SPATA13: variants seen among roughly 807,000 people sequenced by gnomAD.
SPATA13 encodes spermatogenesis-associated protein 13.
In SPATA13, 50 loss-of-function variants were observed where a neutral mutation model predicts 104.0. The ratio of observed to expected loss-of-function variants is 0.48; its 90% CI spans 0.38 to 0.61. The LOEUF is 0.61. SPATA13 is among the 20% of genes least tolerant of loss of function. The probability of loss-of-function intolerance (pLI) is 0.00; values close to 1 mark genes in which losing one functional copy is unlikely to be tolerated. For synonymous variants in SPATA13, 606 were observed against 667.5 expected, an observed-to-expected ratio of 0.91 and a Z score of 1.42; for missense variants, 1,524 against 1,690.6, an observed-to-expected ratio of 0.90 and a Z score of 1.73.
chr13:24,030,834 C>A (rs1014651740), intron 3 of SPATA13, among the ~76,000 whole-genome samples: 4 of 152,062 alleles, frequency 2.6e-5, no homozygotes, highest in Non-Finnish European at 2.9e-5. Flanking sequence ...GTGGAAAAGA[C>A]CTTTATGTAG....
chr13:24,053,904 A>G (rs1024246805), intron 3 of SPATA13, among the ~76,000 whole-genome samples: 7 of 152,348 alleles, frequency 4.6e-5, no homozygotes, highest in Admixed American at 2.6e-4. Flanking sequence ...TCCAAACATT[A>G]GTGAACTCAC....
At position 24,303,300 on chromosome 13, in the gene SPATA13, G is replaced by A. The variant is rs896191085; in HGVS notation, c.*527G>A. 4.3e-5 allele frequency: 16 copies of A among 370,982 alleles called. No individual in the cohort carries two copies. Among genetic ancestry groups the A allele is most frequent in the African/African-American group, 8.5e-5 (4 of 47,062 alleles). 23.0% of individuals were successfully genotyped at this position (370,982 alleles called of 1,614,324 possible). A position where few individuals can be genotyped will look rare whatever the true frequency, so the allele number is the denominator to read the frequency against. ...TAATACTGGGGGACCTACAGCTGCCGTGGGGCTGACCACGGTGTTCCCTGG... is the reference window on the plus strand; with the variant it reads ...TAATACTGGGGGACCTACAGCTGCCATGGGGCTGACCACGGTGTTCCCTGG... On this transcript the variant is annotated 3_prime_UTR_variant, in exon 13 of 13. Coordinates refer to ENST00000382108, the MANE Select transcript of SPATA13 (RefSeq NM_001166271.3).
At chr13:24,020,087 C>T (rs1876910606) in intron 3 of SPATA13, among the ~76,000 whole-genome samples, 1 of 152,214 alleles carries the variant, frequency 6.6e-6, no homozygotes, top group Non-Finnish European at 1.5e-5. Context: ...CACCAAGCCT[C>T]ACCGACAGCC....
intron 3 of SPATA13, among the ~76,000 whole-genome samples, chr13:24,114,979 G>A (rs9507247): frequency 0.66 from 100,219 of 151,920 alleles, 33,661 homozygotes; most frequent in East Asian, 0.93. Flanking sequence ...TTTGTTTTGA[G>A]CCCAGCCCAG....
At chr13:24,167,539 A>T (rs571069139) in intron 1 of SPATA13, among the ~76,000 whole-genome samples, 3 of 152,192 alleles carry the variant, frequency 2.0e-5, no homozygotes, top group Non-Finnish European at 4.4e-5. Flanking sequence ...TTGAATTCTG[A>T]ACAGCCAGGT....
At chr13:24,144,450 G>T (rs932553257) in intron 3 of SPATA13, among the ~76,000 whole-genome samples, 2 of 152,114 alleles carry the variant, frequency 1.3e-5, no homozygotes, top group Non-Finnish European at 2.9e-5. Flanking sequence ...ACTAGGCCAG[G>T]TGCTACCCAA....
chr13:24,271,057 T>TCA, intron 4 of SPATA13: 1 of 669,522 alleles, frequency 1.5e-6, no homozygotes, highest in Non-Finnish European at 2.7e-6. Flanking sequence ...TCTCTCTCTC[T>TCA]CACTCTCTCT....
intron 2 of SPATA13, among the ~76,000 whole-genome samples, chr13:24,249,170 A>T (rs137875212): frequency 6.6e-6 from 1 of 152,318 alleles, no homozygotes; most frequent in East Asian, 1.9e-4. Flanking sequence ...GCATCCGGCC[A>T]GTGCTGATTT....
chr13:23,992,156 C>T (rs573357073), intron 2 of SPATA13, among the ~76,000 whole-genome samples: 32 of 152,256 alleles, frequency 2.1e-4, no homozygotes, highest in African/African-American at 7.2e-4. Flanking sequence ...AGTCTGGGTT[C>T]TTGGTAGAAA....
chr13:24,070,731 G>T lies in SPATA13; in HGVS notation c.-112+53030G>T, dbSNP rs188316216. On this transcript the variant is annotated intron_variant, in intron 3 of 14. Transcript: ENST00000424834. ...GTGGGTCTCTTCCAATCAGTTAAAG[G>T]CCTCAATAGAACGGAAGGCTGACCC... 2.3e-3 allele frequency among the ~76,000 whole-genome samples: 347 copies of T among 152,240 alleles called. 3 individuals carry two copies. The highest frequency in any genetic ancestry group is 3.2e-4 in the Non-Finnish European group (22 of 68,020).
At chr13:24,270,243 T>C (rs189050791) in intron 4 of SPATA13, among the ~76,000 whole-genome samples, 1 of 152,274 alleles carries the variant, frequency 6.6e-6, no homozygotes, top group East Asian at 1.9e-4. Context: ...CCAGAATATA[T>C]TACCTGGAGA....
intron 1 of SPATA13, among the ~76,000 whole-genome samples, chr13:24,170,853 C>T (rs992789439): frequency 3.3e-5 from 5 of 151,914 alleles, no homozygotes; most frequent in Admixed American, 2.0e-4. Context: ...ACAGCAACTC[C>T]GAAAAGTATA....
intron 3 of SPATA13, among the ~76,000 whole-genome samples, chr13:24,087,790 G>A (rs1469962852): frequency 3.9e-5 from 6 of 152,184 alleles, no homozygotes; most frequent in Admixed American, 1.3e-4. Flanking sequence ...CGTGTTCTGG[G>A]TGGCCACGGG....
intron 1 of SPATA13, among the ~76,000 whole-genome samples, chr13:24,191,693 G>A (rs1443494095): frequency 6.6e-6 from 1 of 151,642 alleles, no homozygotes; most frequent in Non-Finnish European, 1.5e-5. Flanking sequence ...TGTATTTTTA[G>A]TAGAGACAGG....
At chr13:24,259,058 C>T (rs976207451) in intron 4 of SPATA13, among the ~76,000 whole-genome samples, 1 of 152,210 alleles carries the variant, frequency 6.6e-6, no homozygotes, top group African/African-American at 2.4e-5. Context: ...GTGAGCATCT[C>T]GTCTCATGCC....
At chr13:24,256,968 C>T (rs879581528) in intron 4 of SPATA13, among the ~76,000 whole-genome samples, 6 of 152,154 alleles carry the variant, frequency 3.9e-5, no homozygotes, top group African/African-American at 9.7e-5. Flanking sequence ...TTATCTTTGC[C>T]GCCTTTGCTT....
intron 3 of SPATA13, among the ~76,000 whole-genome samples, chr13:24,080,136 C>G (rs370126251): frequency 3.3e-5 from 5 of 152,204 alleles, no homozygotes; most frequent in East Asian, 1.9e-4. Flanking sequence ...TTATCTAAAA[C>G]AGGCAAATCT....
chr13:24,098,856 G>T (rs970889962), intron 3 of SPATA13, among the ~76,000 whole-genome samples: 2 of 151,522 alleles, frequency 1.3e-5, no homozygotes, highest in Non-Finnish European at 2.9e-5. Context: ...GAGCCCAGGA[G>T]GTGGAGGTTG....
rs564293221 is a variant in SPATA13, at chr13:24,184,682, C to T, written c.-112+23750C>T. 9.4e-4 allele frequency among the ~76,000 whole-genome samples: 143 copies of T among 152,270 alleles called. 1 individual carries two copies. The highest frequency in any genetic ancestry group is 2.1e-4 in the South Asian group (1 of 4,826). On this transcript the variant is annotated intron_variant, in intron 1 of 12. Coordinates refer to ENST00000382108, the MANE Select transcript of SPATA13 (RefSeq NM_001166271.3). Reference sequence around the variant, plus strand: ...GTTTTCTGTGCAGGACAAAGTTCAACGCTCTGCTAATTTCATGATCTCAGT... The same window carrying T: ...GTTTTCTGTGCAGGACAAAGTTCAATGCTCTGCTAATTTCATGATCTCAGT...
Sources: gnomAD v4.1 joint callset for allele counts (sites outside exome capture counted in the v4.1 genomes callset) on GRCh38, gnomAD v4.1.1 for gene constraint, MANE v1.5 for transcripts, NCBI Gene and HGNC (gene_info 2026-07-23, HGNC 2026-07-21) for gene names.